FXYD7: variants seen among roughly 807,000 people sequenced by gnomAD.
The protein encoded by FXYD7 is FXYD domain containing ion transport regulator 7.
Under a neutral mutation model 15.3 loss-of-function variants are expected in FXYD7, and 7 were observed. That is an observed-to-expected ratio of 0.46 (90% CI 0.26 to 0.86). FXYD7 has a LOEUF of 0.86. Ranked by LOEUF, FXYD7 falls within the 40% of genes least tolerant of loss-of-function variation. FXYD7 has a pLI of 0.16. For synonymous variants in FXYD7, 39 were observed against 39.3 expected (o/e 0.99, Z 0.03); for missense variants, 78 against 100.6 (o/e 0.78, Z 0.96).
intron 1 of FXYD7, among the ~76,000 whole-genome samples, chr19:35,144,353 A>C (rs1338466773): frequency 6.6e-6 from 1 of 152,044 alleles, no homozygotes. Context: ...TCCATTCCAC[A>C]CCAATTAACC....
At position 35,143,505 on chromosome 19, in the gene FXYD7, T is replaced by A; in HGVS notation, c.31+141T>A. 1.5e-6 allele frequency: 1 copy of A among 653,946 alleles called. No homozygotes were observed. Among genetic ancestry groups the A allele is most frequent in the Non-Finnish European group, 2.4e-6 (1 of 417,986 alleles). The allele number at this position is 653,946 out of a possible 1,614,324, so 40.5% of individuals were successfully genotyped here. A position where few individuals can be genotyped will look rare whatever the true frequency, so the allele number is the denominator to read the frequency against. On this transcript the variant is annotated intron_variant, in intron 1 of 5. Transcript: ENST00000270310. This position sits in a 1 kb window ranked among gnomAD's most constrained non-coding sequence, Gnocchi z 4.3. ...CGCTCCTCCTGTGGGCGGAAGCCCCTGTAATGCGCCCCCCCGATCGCCCCT... is the reference window on the plus strand; with the variant it reads ...CGCTCCTCCTGTGGGCGGAAGCCCCAGTAATGCGCCCCCCCGATCGCCCCT...
At chr19:35,148,048 AAAGAAAGAAAG>A (rs2065295602) in intron 1 of FXYD7, among the ~76,000 whole-genome samples, 1 of 127,604 alleles carries the variant, frequency 7.8e-6, no homozygotes, top group Non-Finnish European at 1.6e-5. Flanking sequence ...AGAAAGAAAG[AAAGAAAGAAAG>A]AAAGAAAGAA....
chr19:35,148,075 GAAAGAAAGAAAGAAAGAA>G (rs1421169375), intron 1 of FXYD7, among the ~76,000 whole-genome samples: 16 of 122,596 alleles, frequency 1.3e-4, no homozygotes, highest in East Asian at 5.6e-4. Flanking sequence ...AAGAAAGAAA[GAAAGAAAGAAAGAAAGAA>G]AGAGAGAGAG....
intron 1 of FXYD7, 25 bp from the exon 2 acceptor site, chr19:35,148,666 TCTC>T (rs775298181): frequency 2.0e-6 from 3 of 1,526,170 alleles, no homozygotes; most frequent in Admixed American, 2.2e-5. Flanking sequence ...TTTTTTTCTT[TCTC>T]TTTTTCTCTG....
chr19:35,148,591 G>T (rs1254000759), intron 1 of FXYD7, 103 bp from the exon 2 acceptor site: 2 of 989,120 alleles, frequency 2.0e-6, no homozygotes, highest in Non-Finnish European at 2.9e-6. Flanking sequence ...CTTCCACAAA[G>T]AAATGATTAG....
Position 35,143,394 on chromosome 19 carries a change from G to C in FXYD7, c.31+30G>C, listed in dbSNP as rs780677484. 3.4e-6 allele frequency: 5 copies of C among 1,483,904 alleles called. No homozygotes were observed. The South Asian group carries it at 5.1e-5, about 15-fold the overall frequency. 91.9% of individuals were successfully genotyped at this position (1,483,904 alleles called of 1,614,324 possible). A position where few individuals can be genotyped will look rare whatever the true frequency, so the allele number is the denominator to read the frequency against. On this transcript the variant is annotated intron_variant, in intron 1 of 5. Coordinates refer to ENST00000270310, the MANE Select transcript of FXYD7 (RefSeq NM_022006.2). The surrounding 1 kb of genome is among the most constrained non-coding windows in gnomAD (Gnocchi z 4.3). ...GCGTCGTTTGGGGAGGGGGTTGCAGGGGGGCTCCGGGATCTGAGAGCCTAG... is the reference window on the plus strand; with the variant it reads ...GCGTCGTTTGGGGAGGGGGTTGCAGCGGGGCTCCGGGATCTGAGAGCCTAG...
Position 35,154,113 on chromosome 19 carries a change from C to A in FXYD7, c.*197C>A. ...AATGACGATCCCCCAAAGAGCCCGTCTGCACCCCAGACCCAGGGCCTCAGG... is the reference window on the plus strand; with the variant it reads ...AATGACGATCCCCCAAAGAGCCCGTATGCACCCCAGACCCAGGGCCTCAGG... On this transcript the variant is annotated 3_prime_UTR_variant, in exon 6 of 6. Coordinates refer to ENST00000270310, the MANE Select transcript of FXYD7 (RefSeq NM_022006.2). The A allele has an allele frequency of 1.8e-6, 1 of 570,146 alleles. No individual in the cohort carries two copies. The highest frequency in any genetic ancestry group is 3.1e-6 in the Non-Finnish European group (1 of 323,246). The allele number at this position is 570,146 out of a possible 1,614,324, so 35.3% of individuals were successfully genotyped here.
intron 2 of FXYD7, among the ~76,000 whole-genome samples, chr19:35,149,928 C>CT: frequency 6.6e-6 from 1 of 151,248 alleles, no homozygotes; most frequent in African/African-American, 2.4e-5. Flanking sequence ...ATTTTTTTTT[C>CT]TTTTTTTAGA....
chr19:35,148,858 T>G lies in FXYD7; in HGVS notation c.61+135T>G, dbSNP rs752715923. Reference sequence around the variant, plus strand: ...GGCCACGGGACCATATATGTGGGTGTGGTTCACATCAGCTGAGTTCATGGA... The same window carrying G: ...GGCCACGGGACCATATATGTGGGTGGGGTTCACATCAGCTGAGTTCATGGA... On this transcript the variant is annotated intron_variant, in intron 2 of 5. Transcript: ENST00000270310. 3.6e-6 allele frequency: 3 copies of G among 826,846 alleles called. No homozygotes were observed. The South Asian group carries it at 4.0e-5, about 11-fold the overall frequency. The allele number at this position is 826,846 out of a possible 1,614,324, so 51.2% of individuals were successfully genotyped here.
At chr19:35,145,022 A>G (rs1407522548) in intron 1 of FXYD7, among the ~76,000 whole-genome samples, 2 of 152,152 alleles carry the variant, frequency 1.3e-5, no homozygotes, top group Non-Finnish European at 2.9e-5. Context: ...GGGATGCATG[A>G]GCACAGCTGG....
At position 35,151,765 on chromosome 19, in the gene FXYD7, G is replaced by A. The variant is rs2065311249; in HGVS notation, c.220+92G>A. The A allele has an allele frequency of 3.7e-6, 3 of 806,430 alleles. No homozygotes were observed. The South Asian group carries it at 4.0e-5, about 11-fold the overall frequency. The allele number at this position is 806,430 out of a possible 1,614,324, so 50.0% of individuals were successfully genotyped here. On this transcript the variant is annotated intron_variant, in intron 5 of 5. Transcript: ENST00000270310. ...GGGAAGTCGCGGGGATGGACTGGACGCAGGGGGCGGAGGGGGGGTGGTGCC... is the reference window on the plus strand; with the variant it reads ...GGGAAGTCGCGGGGATGGACTGGACACAGGGGGCGGAGGGGGGGTGGTGCC...
rs1037753151 is a variant in FXYD7, at chr19:35,143,488, C to T, written c.31+124C>T. On this transcript the variant is annotated intron_variant, in intron 1 of 5. Transcript: ENST00000270310. This position sits in a 1 kb window ranked among gnomAD's most constrained non-coding sequence, Gnocchi z 4.3. ...GTTGGGGGAGGGAGGTCCGCTCCTC[C>T]TGTGGGCGGAAGCCCCTGTAATGCG... The T allele has an allele frequency of 1.0e-4, 75 of 752,776 alleles. No individual in the cohort carries two copies. Among genetic ancestry groups the T allele is most frequent in the Non-Finnish European group, 1.4e-4 (73 of 504,230 alleles). The allele number at this position is 752,776 out of a possible 1,614,324, so 46.6% of individuals were successfully genotyped here.
rs1600493675 is a variant in FXYD7 at position 35,151,679 on chromosome 19, G to T, written c.220+6G>T. The T allele has an allele frequency of 6.2e-7, 1 of 1,610,544 alleles. No individual in the cohort carries two copies. The highest frequency in any genetic ancestry group is 1.1e-5 in the South Asian group (1 of 90,974). The stretch of plus-strand genomic sequence containing the variant: ...GTCTGAGCTTCCCTCTTCAGGTGAG[G>T]GTGAGAAACTGTGTGGTTCTGGGAG... On this transcript the variant is annotated splice_donor_region_variant and intron_variant, in intron 5 of 5. Coordinates refer to ENST00000270310, the MANE Select transcript of FXYD7 (RefSeq NM_022006.2).
chr19:35,152,046 A>G (rs7260081), intron 5 of FXYD7, among the ~76,000 whole-genome samples: 6,944 of 149,604 alleles, frequency 0.046, 261 homozygotes, highest in Middle Eastern at 0.14. Context: ...GGCTGAGGCA[A>G]GAGAATCACC....
Position 35,151,342 on chromosome 19 carries a change from A to T in FXYD7, c.136+14A>T. ...TCATCGTCATCAGTAAGTGCGACCC[A>T]TTCCTGGGCTGCCTCAGCCTCCGCT... On this transcript the variant is annotated intron_variant, in intron 3 of 5. Transcript: ENST00000270310. The T allele has an allele frequency of 6.2e-7, 1 of 1,602,372 alleles. No individual in the cohort carries two copies. Among genetic ancestry groups the T allele is most frequent in the Non-Finnish European group, 8.6e-7 (1 of 1,169,266 alleles).
At chr19:35,153,297 C>T (rs906789648) in intron 5 of FXYD7, among the ~76,000 whole-genome samples, 100 of 152,196 alleles carry the variant, frequency 6.6e-4, no homozygotes, top group African/African-American at 2.4e-3. Flanking sequence ...TGACCTCAAA[C>T]GATCCGCCAT....
rs2065323138 is a variant in FXYD7 at position 35,153,339 on chromosome 19, C to T, written c.221-555C>T. On this transcript the variant is annotated intron_variant, in intron 5 of 5. Coordinates refer to ENST00000270310, the MANE Select transcript of FXYD7 (RefSeq NM_022006.2). The stretch of plus-strand genomic sequence containing the variant: ...CCTCCCAAAGTGCTTGGATTACAGG[C>T]GTGAGCCACAGCGCTTGGCCTGTTT... Among the ~76,000 whole-genome samples, 3 of 152,150 alleles carry T rather than the reference C, an allele frequency of 2.0e-5. No homozygotes were observed. The South Asian group carries it at 6.2e-4, about 31-fold the overall frequency.
chr19:35,145,258 C>G (rs752573941), intron 1 of FXYD7, among the ~76,000 whole-genome samples: 1 of 152,260 alleles, frequency 6.6e-6, no homozygotes, highest in Non-Finnish European at 1.5e-5. Flanking sequence ...TTCCTGATAT[C>G]TCTTTGGCAG....
chr19:35,153,591 T>A (rs1047295365), intron 5 of FXYD7, among the ~76,000 whole-genome samples: 2 of 151,862 alleles, frequency 1.3e-5, no homozygotes, highest in Non-Finnish European at 2.9e-5. Flanking sequence ...TAGGAGGAGA[T>A]TGCAAATGGG....
Sources: gnomAD v4.1 joint callset for allele counts (sites outside exome capture counted in the v4.1 genomes callset) on GRCh38, gnomAD v4.1.1 for gene constraint, Gnocchi (gnomAD v3.1) non-coding constraint, MANE v1.5 for transcripts, NCBI Gene and HGNC (gene_info 2026-07-23, HGNC 2026-07-21) for gene names.